Variants in SH2B2 observed in about 807,000 individuals in gnomAD.
The protein encoded by SH2B2 is SH2B adapter protein 2.
A neutral mutation model predicts 35.7 loss-of-function variants in SH2B2; 37 were observed. The observed-to-expected ratio is 1.04, with a 90% CI of 0.80 to 1.36. The LOEUF is 1.36. SH2B2 is among the 40% of genes most tolerant of loss of function. The probability of loss-of-function intolerance (pLI) is 0.00; values close to 1 mark genes in which losing one functional copy is unlikely to be tolerated. For missense variants in SH2B2, 852 were observed against 817.7 expected, an observed-to-expected ratio of 1.04 and a Z score of -0.51; for synonymous variants, 383 against 376.4, an observed-to-expected ratio of 1.02 and a Z score of -0.20.
At chr7:102,303,297 C>T (rs1193567214) in intron 2 of SH2B2, among the ~76,000 whole-genome samples, 2 of 152,060 alleles carry the variant, frequency 1.3e-5, no homozygotes, top group Non-Finnish European at 2.9e-5. Context: ...AAGTGGAGGT[C>T]CTTGGGCACT....
chr7:102,316,207 GC>G (rs1793822791), intron 6 of SH2B2, among the ~76,000 whole-genome samples: 1 of 152,118 alleles, frequency 6.6e-6, no homozygotes, highest in Admixed American at 6.6e-5. Context: ...AGCCCAGGAG[GC>G]CAAGGCTGCA....
rs781822209 is a variant in SH2B2 at position 102,317,239 on chromosome 7, C to T, written c.1239C>T (p.Ser413=). The change falls in exon 7 of 9, where the codon TCC becomes TCT. Residue 413 remains serine, a synonymous_variant. Coordinates refer to ENST00000444095, the MANE Select transcript of SH2B2 (RefSeq NM_001359228.2). The part of the protein sequence containing the change: ...DPEAEPELEL[S]DYPWFHGTLS... ...AGGCTGAACCCGAGCTGGAGCTATC[C>T]GACTACCCATGGTTCCACGGGACAC... 5.6e-6 allele frequency: 9 copies of T among 1,612,116 alleles called. No individual in the cohort carries two copies. The highest frequency in any genetic ancestry group is 2.7e-5 in the African/African-American group (2 of 74,896).
At chr7:102,296,295 C>A (rs1247919681) in intron 1 of SH2B2, among the ~76,000 whole-genome samples, 1 of 152,182 alleles carries the variant, frequency 6.6e-6, no homozygotes, top group African/African-American at 2.4e-5. Context: ...GTTTGGATCC[C>A]AGAGGAGAGA....
intron 2 of SH2B2, among the ~76,000 whole-genome samples, chr7:102,305,054 G>C (rs943249169): frequency 6.6e-6 from 1 of 152,162 alleles, no homozygotes; most frequent in South Asian, 2.1e-4. Flanking sequence ...CGGTCCCACA[G>C]AGCCCTGCCA....
intron 1 of SH2B2, among the ~76,000 whole-genome samples, chr7:102,290,516 C>T (rs1207468533): frequency 2.0e-5 from 3 of 152,122 alleles, no homozygotes; most frequent in South Asian, 2.1e-4. Context: ...CCGCCCTCCT[C>T]GGCCTCCCAA....
At chr7:102,300,463 G>A (rs1337170479) in intron 1 of SH2B2, 59 bp from the exon 2 acceptor site, 1 of 1,469,110 alleles carries the variant, frequency 6.8e-7, no homozygotes, top group Non-Finnish European at 9.0e-7. Flanking sequence ...GGAAGGAGGG[G>A]ACAGGTGGGC....
intron 8 of SH2B2, among the ~76,000 whole-genome samples, chr7:102,320,762 G>A (rs1794024280): frequency 6.6e-6 from 1 of 152,104 alleles, no homozygotes; most frequent in African/African-American, 2.4e-5. Context: ...AGTGCAGGTG[G>A]GTGTATGGGG....
At chr7:102,311,577 T>TTTA (rs1563563399) in intron 4 of SH2B2, among the ~76,000 whole-genome samples, 2 of 136,086 alleles carry the variant, frequency 1.5e-5, no homozygotes, top group Non-Finnish European at 3.1e-5. Context: ...TTTTTTTTTT[T>TTTA]AGAGACGGGA....
Position 102,314,353 on chromosome 7 carries a change from C to T in SH2B2, c.941C>T (p.Thr314Ile), listed in dbSNP as rs1016867740. The T allele has an allele frequency of 2.5e-6, 1 of 398,690 alleles. No homozygotes were observed. The highest frequency in any genetic ancestry group is 4.4e-6 in the Non-Finnish European group (1 of 226,116). 24.7% of individuals were successfully genotyped at this position (398,690 alleles called of 1,614,324 possible). Residue 314 changes from threonine (T) to isoleucine (I), a missense_variant, in exon 5 of 9, where the codon ACC becomes ATC. Thr to Ile is a moderately conservative substitution (Grantham distance 89). Transcript: ENST00000444095. Reference sequence around the variant, plus strand: ...CTCCACAGTGACAGTGAGGAAGACACCGAGCTCTCCTGTACCCGAGGAGGC... The same window carrying T: ...CTCCACAGTGACAGTGAGGAAGACATCGAGCTCTCCTGTACCCGAGGAGGC... ...CVDPGDSEED[T>I]ELSCTRGGCL...
At chr7:102,291,402 T>C (rs1428699195) in intron 1 of SH2B2, among the ~76,000 whole-genome samples, 1 of 152,142 alleles carries the variant, frequency 6.6e-6, no homozygotes, top group African/African-American at 2.4e-5. Context: ...TAGAAAGTTA[T>C]CTGCACGGAA....
At chr7:102,293,878 A>G (rs1182901028) in intron 1 of SH2B2, among the ~76,000 whole-genome samples, 1 of 152,156 alleles carries the variant, frequency 6.6e-6, no homozygotes, top group African/African-American at 2.4e-5. Flanking sequence ...AGCCCAGTCC[A>G]GCACTGCCTG....
chr7:102,321,328 G>A lies in SH2B2; in HGVS notation c.1597G>A (p.Ala533Thr), dbSNP rs782603381. ...GGGCCCCACGCCCCCTGCCGCGCCC[G>A]CGTCCCCGGCCTGCTGGAGCGACTC... is the stretch of plus-strand genomic sequence containing the variant. ...EPGPTPPAAPASPACWSDSPG... is the reference protein window; with the variant it reads ...EPGPTPPAAPTSPACWSDSPG... Residue 533 changes from alanine (A) to threonine (T), a missense_variant, in exon 9 of 9, where the codon GCG becomes ACG. This residue lies in a region of SH2B2 where 556 missense variants were observed against 514.5 expected (regional missense o/e 1.08). Transcript: ENST00000444095. 4 of 1,431,332 alleles carry A rather than the reference G, an allele frequency of 2.8e-6. No homozygotes were observed. The highest frequency in any genetic ancestry group is 1.5e-5 in the African/African-American group (1 of 66,808). The allele number at this position is 1,431,332 out of a possible 1,614,324, so 88.7% of individuals were successfully genotyped here. A position where few individuals can be genotyped will look rare whatever the true frequency, so the allele number is the denominator to read the frequency against.
rs377212746 is a variant in SH2B2 at position 102,320,550 on chromosome 7, G to A, written c.1567+48G>A. The stretch of plus-strand genomic sequence containing the variant: ...GTGTGATTACTCAAGAAGACTTCCC[G>A]TTGATTACTCAAGAAGGTGGTCCCT... On this transcript the variant is annotated intron_variant, in intron 8 of 8. Transcript: ENST00000444095. 178 of 1,581,322 alleles carry A rather than the reference G, an allele frequency of 1.1e-4. No homozygotes were observed. The East Asian group carries it at 3.5e-3, about 31-fold the overall frequency.
rs1554558675 is a variant in SH2B2, at chr7:102,321,633, CGCG to C, written c.*7_*9del. On this transcript the variant is annotated 3_prime_UTR_variant, in exon 9 of 9. Coordinates refer to ENST00000444095, the MANE Select transcript of SH2B2 (RefSeq NM_001359228.2). ...AGAACCAGTACTCCTTCTACTAGCC[CGCG>C]GCGCCGCCCGGGTGGGACACGCCAA... is the stretch of plus-strand genomic sequence containing the variant. 1 of 1,141,988 alleles carries C rather than the reference CGCG, an allele frequency of 8.8e-7. No individual in the cohort carries two copies. Among genetic ancestry groups the C allele is most frequent in the African/African-American group, 1.6e-5 (1 of 61,094 alleles). The allele number at this position is 1,141,988 out of a possible 1,614,324, so 70.7% of individuals were successfully genotyped here.
chr7:102,307,521 C>T (rs969438305), intron 3 of SH2B2, among the ~76,000 whole-genome samples: 2 of 152,160 alleles, frequency 1.3e-5, no homozygotes, highest in Non-Finnish European at 2.9e-5. Context: ...TTTGTTTAGT[C>T]ACGGACTCAC....
At chr7:102,296,715 A>G (rs182147040) in intron 1 of SH2B2, among the ~76,000 whole-genome samples, 16 of 152,372 alleles carry the variant, frequency 1.1e-4, no homozygotes, top group Admixed American at 7.2e-4. Flanking sequence ...TCGGATTTGA[A>G]TGGGAATTCT....
At chr7:102,285,244 A>T, upstream of SH2B2, 1 of 1,550,860 alleles carries the variant, frequency 6.4e-7, no homozygotes, top group Non-Finnish European at 8.7e-7. Context: ...AGTTCAGCCC[A>T]CTACTCTGAA....
intron 4 of SH2B2, among the ~76,000 whole-genome samples, chr7:102,312,849 GC>G (rs1266078198): frequency 1.3e-5 from 2 of 152,082 alleles, no homozygotes; most frequent in African/African-American, 4.8e-5. Context: ...GATTCTCAGG[GC>G]CGGGCGCGGT....
intron 2 of SH2B2, among the ~76,000 whole-genome samples, chr7:102,305,422 C>T (rs1055106850): frequency 6.6e-6 from 1 of 151,996 alleles, no homozygotes; most frequent in Non-Finnish European, 1.5e-5. Flanking sequence ...CGCACCACCA[C>T]GCCTGGCTAA....
Sources: gnomAD v4.1 joint callset for allele counts (sites outside exome capture counted in the v4.1 genomes callset) on GRCh38, gnomAD v4.1.1 for gene constraint, gnomAD v4.1.1 regional missense constraint, MANE v1.5 for transcripts, NCBI Gene and HGNC (gene_info 2026-07-23, HGNC 2026-07-21) for gene names.